The following ENTPD6 variants were observed in gnomAD, a reference collection of about 807,000 sequenced individuals.
ENTPD6 encodes CD39 antigen-like 2.
In ENTPD6, 46 loss-of-function variants were observed where a neutral mutation model predicts 61.5. The ratio of observed to expected loss-of-function variants is 0.75; its 90% CI spans 0.59 to 0.96. The LOEUF (loss-of-function observed/expected upper bound fraction) is 0.96. Among genes scored for constraint, ENTPD6 ranks in the 40% least tolerant of loss-of-function variants. ENTPD6 has a pLI of 0.00. For missense variants in ENTPD6, 612 were observed against 629.0 expected (o/e 0.97, Z 0.29); for synonymous variants, 252 against 255.5 (o/e 0.99, Z 0.13).
At position 25,216,747 on chromosome 20, in the gene ENTPD6, C is replaced by G. The variant is rs2092337583; in HGVS notation, c.798+11C>G. The G allele has an allele frequency of 6.3e-6, 10 of 1,576,834 alleles. No homozygotes were observed. The highest frequency in any genetic ancestry group is 1.3e-5 in the African/African-American group (1 of 74,382). ...CTGCCACGCGTGGAGGTAACAAGCC[C>G]TGCCGACCACAGCGCTCTTTCCACC... On this transcript the variant is annotated intron_variant, in intron 8 of 14. Transcript: ENST00000376652.
In ENTPD6 at chr20:25,201,973, C is replaced by T. The variant is rs376264748; in HGVS notation, c.-15-4549C>T. 2.0e-4 allele frequency among the ~76,000 whole-genome samples: 31 copies of T among 152,308 alleles called. 1 individual carries two copies. In the East Asian group the frequency reaches 4.4e-3, roughly 22 times the overall value. On this transcript the variant is annotated intron_variant, in intron 1 of 14. Transcript: ENST00000376652. ...GCTCAAGATATCCTCTCGCCTCCGC[C>T]TCCCAAACTAGTAGCCTACTGTTGA...
chr20:25,198,147 G>T (rs2090672375), intron 1 of ENTPD6, among the ~76,000 whole-genome samples: 1 of 152,116 alleles, frequency 6.6e-6, no homozygotes, highest in Admixed American at 6.6e-5. Context: ...TGATCATGTA[G>T]AATATGGTTC....
chr20:25,205,754 C>G (rs1470926655), intron 1 of ENTPD6, among the ~76,000 whole-genome samples: 1 of 152,206 alleles, frequency 6.6e-6, no homozygotes, highest in Admixed American at 6.5e-5. Context: ...GGCCTCTCCC[C>G]TCGGCACGGG....
chr20:25,208,539 G>A (rs560870757), intron 3 of ENTPD6, among the ~76,000 whole-genome samples: 3 of 152,262 alleles, frequency 2.0e-5, no homozygotes, highest in East Asian at 1.9e-4. Context: ...ATCAGCCTGC[G>A]ATGCTTTTGG....
At chr20:25,198,106 G>C (rs1409302850) in intron 1 of ENTPD6, among the ~76,000 whole-genome samples, 1 of 152,074 alleles carries the variant, frequency 6.6e-6, no homozygotes, top group Admixed American at 6.5e-5. Flanking sequence ...GAGCAACTTT[G>C]CCTCTAGATT....
intron 1 of ENTPD6, 87 bp downstream of exon 1, chr20:25,195,954 G>A (rs983248755): frequency 5.4e-6 from 6 of 1,105,530 alleles, no homozygotes; most frequent in Non-Finnish European, 6.9e-6. Context: ...GCTGCGCTCC[G>A]GAGGACGGCC....
At position 25,222,815 on chromosome 20, in the gene ENTPD6, G is replaced by A. The variant is rs143881306; in HGVS notation, c.1046-23G>A. The A allele has an allele frequency of 3.3e-4, 540 of 1,611,972 alleles. 2 individuals are homozygous for A. The African/African-American group carries it at 6.2e-3, about 18-fold the overall frequency. On this transcript the variant is annotated intron_variant, in intron 11 of 14. Transcript: ENST00000376652. ...CCTGGGTGCTCGGAGCCCACTGACC[G>A]CTAGCCTTGTGCTTGTCCCCAGCGG...
intron 1 of ENTPD6, among the ~76,000 whole-genome samples, chr20:25,201,999 A>T (rs553272222): frequency 2.0e-5 from 3 of 152,352 alleles, no homozygotes; most frequent in African/African-American, 7.2e-5. Flanking sequence ...CTACTGTTGA[A>T]GAAGCCTTAC....
chr20:25,205,911 A>G (rs2091458081), intron 1 of ENTPD6, among the ~76,000 whole-genome samples: 1 of 152,190 alleles, frequency 6.6e-6, no homozygotes, highest in Non-Finnish European at 1.5e-5. Flanking sequence ...GCTGTGCCCA[A>G]ACAGCCTCAG....
chr20:25,195,996 C>A, intron 1 of ENTPD6, 129 bp downstream of exon 1: 1 of 867,852 alleles, frequency 1.2e-6, no homozygotes, highest in South Asian at 5.8e-5. Context: ...GTCCCACCTC[C>A]TGCTGCCTTC....
rs202038823 is a variant in ENTPD6 at position 25,216,677 on chromosome 20, G to A, written c.739G>A (p.Val247Met). 112 of 1,607,804 alleles carry A rather than the reference G, an allele frequency of 7.0e-5. No homozygotes were observed. Among genetic ancestry groups the A allele is most frequent in the East Asian group, 8.9e-5 (4 of 44,726 alleles). ...CTTGAAAACTCCAGGAGGGAGCAGC[G>A]TGGGCATGCTGGACTTGGGCGGAGG... ...GSLKTPGGSS[V>M]GMLDLGGGST... Residue 247 changes from valine (V) to methionine (M), a missense_variant, in exon 8 of 15, where the codon GTG becomes ATG. Physicochemically the swap from Val to Met is conservative, Grantham distance 21 (BLOSUM62 1). Transcript: ENST00000376652.
chr20:25,217,725 C>T (rs2092396961), intron 9 of ENTPD6, 144 bp downstream of exon 9: 1 of 696,372 alleles, frequency 1.4e-6, no homozygotes. Context: ...TCTCCTCCTC[C>T]TCCTTCTCCC....
At chr20:25,224,886 T>C in intron 13 of ENTPD6, 1 of 364,054 alleles carries the variant, frequency 2.7e-6, no homozygotes, top group Non-Finnish European at 5.0e-6. Flanking sequence ...CCAGAAAGCT[T>C]AGGTTTTATG....
intron 8 of ENTPD6, 46 bp downstream of exon 8, chr20:25,216,782 C>T (rs780176216): frequency 2.7e-6 from 4 of 1,472,110 alleles, no homozygotes; most frequent in Non-Finnish European, 3.7e-6. Context: ...CCCGAGGCCA[C>T]ACCGCCATGG....
chr20:25,198,759 C>T (rs939181707), intron 1 of ENTPD6, among the ~76,000 whole-genome samples: 6 of 152,098 alleles, frequency 3.9e-5, no homozygotes, highest in African/African-American at 7.2e-5. Flanking sequence ...TCTCAGCTGA[C>T]GTTGCCTTAA....
intron 3 of ENTPD6, among the ~76,000 whole-genome samples, chr20:25,208,631 G>A (rs114002036): frequency 1.8e-3 from 274 of 152,178 alleles, no homozygotes; most frequent in African/African-American, 6.3e-3. Flanking sequence ...TCCAGTCTTC[G>A]CGTCTGAATT....
rs1412770348 is a variant in ENTPD6 at position 25,225,547 on chromosome 20, A to G, written c.1405A>G (p.Ile469Val). Residue 469 changes from isoleucine to valine, a missense_variant, in exon 15 of 15, where the codon ATT becomes GTT. Physicochemically the swap from Ile to Val is conservative, Grantham distance 29. Coordinates refer to ENST00000376652, the MANE Select transcript of ENTPD6 (RefSeq NM_001247.5). ...TGAGACCAGCTGGGCTCTGGGGGCC[A>G]TTTTTCATTACATCGACTCCCTGAA... ...NVETSWALGA[I>V]FHYIDSLNRQ... 4 of 1,613,772 alleles carry G rather than the reference A, an allele frequency of 2.5e-6. No individual in the cohort carries two copies. Among genetic ancestry groups the G allele is most frequent in the African/African-American group, 2.7e-5 (2 of 74,824 alleles).
Position 25,195,853 on chromosome 20 carries a change from A to AGC in ENTPD6, c.-24_-23dup. ...GCACTCGTCTCCGTGGGTGTGGCGG[A>AGC]GCGCGCGGTGCATGGTAAGCGGCGG... On this transcript the variant is annotated 5_prime_UTR_variant, in exon 1 of 15. Coordinates refer to ENST00000376652, the MANE Select transcript of ENTPD6 (RefSeq NM_001247.5). The AGC allele has an allele frequency of 8.1e-7, 1 of 1,237,702 alleles. No homozygotes were observed. Among genetic ancestry groups the AGC allele is most frequent in the Non-Finnish European group, 1.0e-6 (1 of 988,066 alleles). 76.7% of individuals were successfully genotyped at this position (1,237,702 alleles called of 1,614,324 possible). A position where few individuals can be genotyped will look rare whatever the true frequency, so the allele number is the denominator to read the frequency against.
intron 5 of ENTPD6, chr20:25,214,623 G>A: frequency 2.0e-6 from 1 of 488,104 alleles, no homozygotes; most frequent in African/African-American, 1.9e-5. Context: ...CATGGCAGGT[G>A]CCCCTGGGGT....
Sources: gnomAD v4.1 joint callset for allele counts (sites outside exome capture counted in the v4.1 genomes callset) on GRCh38, gnomAD v4.1.1 for gene constraint, MANE v1.5 for transcripts, NCBI Gene and HGNC (gene_info 2026-07-23, HGNC 2026-07-21) for gene names.